Variants in KIF27 observed in about 807,000 individuals in gnomAD.
KIF27 encodes the protein kinesin-like protein KIF27.
A neutral mutation model predicts 141.8 loss-of-function variants in KIF27; 84 were observed. That is an observed-to-expected ratio of 0.59 (90% CI 0.50 to 0.71). The LOEUF is 0.71. KIF27 is among the 30% of genes least tolerant of loss of function. The pLI is 0.00. For missense variants in KIF27, 1,306 were observed against 1,628.4 expected (o/e 0.80, Z 3.41); for synonymous variants, 471 against 569.5 (o/e 0.83, Z 2.46).
Position 83,870,651 on chromosome 9 carries a change from A to G in KIF27, c.2644-19T>C. The G allele has an allele frequency of 6.2e-7, 1 of 1,612,668 alleles. No homozygotes were observed. Among genetic ancestry groups the G allele is most frequent in the Non-Finnish European group, 8.5e-7 (1 of 1,179,366 alleles). ...GTATTTCCTATAGAAAAAGAAATTG[A>G]AAACACCTTATTGCTTTTACACCTG... On this transcript the variant is annotated intron_variant, in intron 11 of 17. Coordinates refer to ENST00000297814, the MANE Select transcript of KIF27 (RefSeq NM_017576.4).
intron 3 of KIF27, among the ~76,000 whole-genome samples, chr9:83,904,840 A>G (rs1445282094): frequency 6.6e-6 from 1 of 152,024 alleles, no homozygotes; most frequent in African/African-American, 2.4e-5. Context: ...GTCATAATCA[A>G]TGAAGAGTAA....
chr9:83,908,711 C>A (rs1356353995), intron 2 of KIF27, 59 bp from the exon 3 acceptor site: 4 of 1,048,166 alleles, frequency 3.8e-6, no homozygotes, highest in Non-Finnish European at 5.5e-6. Flanking sequence ...AAGCTACAAC[C>A]CCAAATTTAT....
chr9:83,839,059 C>G (rs1431355689), intron 17 of KIF27, among the ~76,000 whole-genome samples: 1 of 152,028 alleles, frequency 6.6e-6, no homozygotes, highest in Non-Finnish European at 1.5e-5. Flanking sequence ...ACTTGAGAGG[C>G]TGAGGTGGGA....
chr9:83,858,870 A>G (rs866505364), intron 14 of KIF27: 1 of 403,676 alleles, frequency 2.5e-6, no homozygotes, highest in African/African-American at 2.0e-5. Context: ...TCAGACGAGA[A>G]ACCCCAGCTG....
intron 3 of KIF27, among the ~76,000 whole-genome samples, chr9:83,904,573 G>A (rs189245189): frequency 4.2e-4 from 64 of 152,190 alleles, no homozygotes; most frequent in Admixed American, 3.3e-3. Flanking sequence ...GTTTCACCAC[G>A]TTGGCCAGGC....
chr9:83,913,127 T>G (rs1172768470), intron 2 of KIF27, among the ~76,000 whole-genome samples: 1 of 152,016 alleles, frequency 6.6e-6, no homozygotes, highest in Admixed American at 6.6e-5. Flanking sequence ...ATTGTGCCAC[T>G]GCACTCCAGC....
At chr9:83,856,906 CAAAAA>C (rs573136318) in intron 14 of KIF27, among the ~76,000 whole-genome samples, 1 of 76,284 alleles carries the variant, frequency 1.3e-5, no homozygotes, top group Non-Finnish European at 2.8e-5. Context: ...GACTCCATCT[CAAAAA>C]AAAAAAAAAA....
In KIF27 at chr9:83,891,350, A is replaced by T; in HGVS notation, c.1754T>A (p.Phe585Tyr). The T allele has an allele frequency of 6.2e-7, 1 of 1,613,720 alleles. No individual in the cohort carries two copies. Among genetic ancestry groups the T allele is most frequent in the Non-Finnish European group, 8.5e-7 (1 of 1,179,704 alleles). ...IPERRPYTVPFDTHLGHYIYI... is the reference protein window; with the variant it reads ...IPERRPYTVPYDTHLGHYIYI... ...AATATAATGCCCCAAATGAGTATCA[A>T]ATGGTACAGTATATGGTCTCCTTTC... is the stretch of plus-strand genomic sequence containing the variant. Residue 585 changes from phenylalanine to tyrosine, a missense_variant, in exon 6 of 18, where the codon TTT becomes TAT. By Grantham distance (22) the Phe-to-Tyr change is conservative. This residue lies in a region of KIF27 where 596 missense variants were observed against 751.6 expected (regional missense o/e 0.79). Coordinates refer to ENST00000297814, the MANE Select transcript of KIF27 (RefSeq NM_017576.4).
chr9:83,910,722 G>A (rs1257068788), intron 2 of KIF27, among the ~76,000 whole-genome samples: 5 of 152,176 alleles, frequency 3.3e-5, no homozygotes, highest in African/African-American at 9.6e-5. Flanking sequence ...TAAGCCCACA[G>A]CTTCTACAAA....
In KIF27 at chr9:83,834,250, A is replaced by G. The variant is rs533411885; in HGVS notation, c.*2751T>C. Among the ~76,000 whole-genome samples, 10 of 152,294 alleles carry G rather than the reference A, an allele frequency of 6.6e-5. 1 individual carries two copies. Among genetic ancestry groups the G allele is most frequent in the African/African-American group, 2.4e-4 (10 of 41,572 alleles). The stretch of plus-strand genomic sequence containing the variant: ...CATGTGAAAAAGTAAAATCATTATT[A>G]GTATATGTAAAAAAATAATTTTACT... On this transcript the variant is annotated 3_prime_UTR_variant, in exon 18 of 18. Transcript: ENST00000297814.
rs749506941 is a variant in KIF27, at chr9:83,915,401, C to T, written c.191G>A (p.Cys64Tyr). 6.2e-7 allele frequency: 1 copy of T among 1,613,736 alleles called. No individual in the cohort carries two copies. The highest frequency in any genetic ancestry group is 1.3e-5 in the African/African-American group (1 of 74,896). Residue 64 changes from cysteine (C) to tyrosine (Y), a missense_variant, in exon 2 of 18, where the codon TGT (cysteine) becomes TAT (tyrosine). Transcript: ENST00000297814. The part of the protein sequence containing the change: ...NSTQDEVYNT[C>Y]IKPLVLSLIE... ...GAGTGACAACACTAGGGGCTTTATA[C>T]ATGTGTTATAAACTTCATCTTGAGT...
chr9:83,871,923 A>G (rs1260461320), intron 11 of KIF27, among the ~76,000 whole-genome samples: 1 of 150,880 alleles, frequency 6.6e-6, no homozygotes, highest in Non-Finnish European at 1.5e-5. Context: ...GCTGGTCTCG[A>G]ACTCCTGACC....
intron 16 of KIF27, among the ~76,000 whole-genome samples, chr9:83,843,716 G>T (rs118117153): frequency 0.07 from 10,630 of 152,080 alleles, 479 homozygotes; most frequent in Non-Finnish European, 0.097. Context: ...GTTTTTATTT[G>T]ATTTTCTATT....
At chr9:83,874,086 C>T (rs1188058669) in intron 11 of KIF27, among the ~76,000 whole-genome samples, 1 of 152,000 alleles carries the variant, frequency 6.6e-6, no homozygotes, top group Non-Finnish European at 1.5e-5. Flanking sequence ...CTTCTAATTC[C>T]CTCTTCCACA....
chr9:83,904,335 C>T (rs755841480), intron 3 of KIF27, among the ~76,000 whole-genome samples: 23 of 152,150 alleles, frequency 1.5e-4, no homozygotes, highest in Admixed American at 1.3e-4. Context: ...AAAAACCCTT[C>T]ATTCCAGTCT....
In KIF27 at chr9:83,871,500, C is replaced by A. The variant is rs373795042; in HGVS notation, c.2644-868G>T. Among the ~76,000 whole-genome samples the A allele has an allele frequency of 2.2e-4, 34 of 152,210 alleles. 1 individual carries two copies. Among genetic ancestry groups the A allele is most frequent in the African/African-American group, 7.9e-4 (33 of 41,552 alleles). ...CTCTTCTGCCTTTCTGAGCTTATTACTTTCATAGTTACTCCACCCAAGACA... is the reference window on the plus strand; with the variant it reads ...CTCTTCTGCCTTTCTGAGCTTATTAATTTCATAGTTACTCCACCCAAGACA... On this transcript the variant is annotated intron_variant, in intron 11 of 17. Coordinates refer to ENST00000297814, the MANE Select transcript of KIF27 (RefSeq NM_017576.4).
At chr9:83,886,051 C>T (rs1356874944) in intron 9 of KIF27, among the ~76,000 whole-genome samples, 3 of 151,856 alleles carry the variant, frequency 2.0e-5, no homozygotes, top group African/African-American at 7.3e-5. Flanking sequence ...ATGCATCATC[C>T]TAGCTCCAGT....
chr9:83,893,489 A>C (rs1588205446), intron 5 of KIF27, among the ~76,000 whole-genome samples: 1 of 152,124 alleles, frequency 6.6e-6, no homozygotes, highest in African/African-American at 2.4e-5. Flanking sequence ...AAAATTGATT[A>C]AAGAAAAATA....
At chr9:83,896,086 A>C (rs1588219124) in intron 5 of KIF27, among the ~76,000 whole-genome samples, 2 of 148,824 alleles carry the variant, frequency 1.3e-5, no homozygotes, top group East Asian at 2.0e-4. Context: ...CAAAACACAC[A>C]CAAGTTTATA....
Sources: allele counts gnomAD v4.1 joint callset (sites outside exome capture counted in the v4.1 genomes callset), GRCh38; gene constraint gnomAD v4.1.1; regional missense constraint gnomAD v4.1.1; transcripts MANE v1.5; gene names NCBI Gene and HGNC (gene_info 2026-07-23, HGNC 2026-07-21).